PLEKHG5: variants seen among roughly 807,000 people sequenced by gnomAD.
PLEKHG5 encodes the protein pleckstrin homology domain-containing family G member 5.
In PLEKHG5, 52 loss-of-function variants were observed where a neutral mutation model predicts 103.8. That is an observed-to-expected ratio of 0.50 (90% CI 0.40 to 0.63). PLEKHG5 has a LOEUF of 0.63. Ranked by LOEUF, PLEKHG5 falls within the 30% of genes least tolerant of loss-of-function variation. The pLI, the probability that PLEKHG5 is intolerant of heterozygous loss-of-function variation, is 0.00. For synonymous variants in PLEKHG5, 592 were observed against 575.5 expected (o/e 1.03, Z -0.41); for missense variants, 1,205 against 1,347.6 (o/e 0.89, Z 1.66).
In PLEKHG5 at chr1:6,470,870, G is replaced by C; in HGVS notation, c.1407C>G (p.His469Gln). The C allele has an allele frequency of 6.4e-7, 1 of 1,568,528 alleles. No individual in the cohort carries two copies. Among genetic ancestry groups the C allele is most frequent in the South Asian group, 1.2e-5 (1 of 86,088 alleles). The part of the protein sequence containing the change: ...FRAYITWAEK[H>Q]PQCQRLKLSD... ...TCAGCTTCAGCCTCTGGCACTGTGGGTGCTTCTCCGCCCACTGCGGTGGGG... is the reference window on the plus strand; with the variant it reads ...TCAGCTTCAGCCTCTGGCACTGTGGCTGCTTCTCCGCCCACTGCGGTGGGG... The change falls in exon 14 of 21, where the codon CAC (histidine) becomes CAG (glutamine). Residue 469 changes from histidine (H) to glutamine (Q), a missense_variant. His to Gln is a conservative substitution (Grantham distance 24). Coordinates refer to ENST00000377728, the MANE Select transcript of PLEKHG5 (RefSeq NM_020631.6).
At chr1:6,474,869 C>G in intron 5 of PLEKHG5, 178 bp downstream of exon 5, 1 of 718,096 alleles carries the variant, frequency 1.4e-6, no homozygotes, top group Non-Finnish European at 2.5e-6. Context: ...TACACAGACC[C>G]CACCGCACTC....
In PLEKHG5 at chr1:6,480,888, G is replaced by A. The variant is rs61433943; in HGVS notation, c.-87-3230C>T. On this transcript the variant is annotated intron_variant, in intron 1 of 20. Transcript: ENST00000377728. ...ACTCCTGGGCTCAACTGATCCGCCC[G>A]CCTCAGCCTCCCAAAGTGCTGGAAT... 4.7e-3 allele frequency among the ~76,000 whole-genome samples: 719 copies of A among 152,092 alleles called. 6 individuals are homozygous for A. The highest frequency in any genetic ancestry group is 0.017 in the African/African-American group (698 of 41,484).
intron 2 of PLEKHG5, 36 bp from the exon 3 acceptor site, chr1:6,476,072 GC>G: frequency 6.4e-7 from 1 of 1,564,560 alleles, no homozygotes; most frequent in Non-Finnish European, 8.8e-7. Flanking sequence ...TGCCTCCCCC[GC>G]CCCTCCTTAG....
chr1:6,481,369 T>C (rs1423050593), intron 1 of PLEKHG5, among the ~76,000 whole-genome samples: 1 of 150,914 alleles, frequency 6.6e-6, no homozygotes, highest in Non-Finnish European at 1.5e-5. Flanking sequence ...CTGTCTCTAC[T>C]AAAAATACAA....
chr1:6,517,306 CAAAA>C (rs779260887), intron 1 of PLEKHG5, among the ~76,000 whole-genome samples: 2 of 62,432 alleles, frequency 3.2e-5, no homozygotes, highest in Admixed American at 2.0e-4. Flanking sequence ...GACTCCATCT[CAAAA>C]AAAAAAAAAA....
In PLEKHG5 at chr1:6,470,488, G is replaced by C. The variant is rs758693239; in HGVS notation, c.1680+18C>G. The C allele has an allele frequency of 6.2e-7, 1 of 1,610,582 alleles. No individual in the cohort carries two copies. The highest frequency in any genetic ancestry group is 1.1e-5 in the South Asian group (1 of 91,074). ...TCCTCTCTCCCAGCCGGCAACCCCC[G>C]CAGACACACACGCCCACCTTGTCCA... On this transcript the variant is annotated intron_variant, in intron 15 of 20. Coordinates refer to ENST00000377728, the MANE Select transcript of PLEKHG5 (RefSeq NM_020631.6).
In PLEKHG5 at chr1:6,473,985, C is replaced by T. The variant is rs76386795; in HGVS notation, c.591+28G>A. The T allele has an allele frequency of 4.6e-4, 654 of 1,425,274 alleles. 11 individuals carry two copies. In the East Asian group the frequency reaches 0.016, roughly 34 times the overall value. The allele number at this position is 1,425,274 out of a possible 1,614,324, so 88.3% of individuals were successfully genotyped here. ...CCCAGCCTGGGCCCCTTCCCACCCC[C>T]TCCCCTGACACACCCCCTCCTCCTC... is the stretch of plus-strand genomic sequence containing the variant. On this transcript the variant is annotated intron_variant, in intron 7 of 20. Coordinates refer to ENST00000377728, the MANE Select transcript of PLEKHG5 (RefSeq NM_020631.6).
Position 6,490,599 on chromosome 1 carries a change from G to A in PLEKHG5, c.-88+1038C>T. 1.0e-6 allele frequency: 1 copy of A among 985,456 alleles called. No individual in the cohort carries two copies. The highest frequency in any genetic ancestry group is 1.2e-6 in the Non-Finnish European group (1 of 829,930). The allele number at this position is 985,456 out of a possible 1,614,324, so 61.0% of individuals were successfully genotyped here. A position where few individuals can be genotyped will look rare whatever the true frequency, so the allele number is the denominator to read the frequency against. ...GCAAACTGGGGCGCGGGACGTAGGG[G>A]AATTACGGTAGCCGCGCGGGCGCTA... On this transcript the variant is annotated intron_variant, in intron 1 of 20. Transcript: ENST00000377728. The surrounding 1 kb of genome is among the most constrained non-coding windows in gnomAD (Gnocchi z 8.0).
chr1:6,478,896 G>A (rs555146851), intron 1 of PLEKHG5, among the ~76,000 whole-genome samples: 5 of 152,092 alleles, frequency 3.3e-5, no homozygotes, highest in African/African-American at 4.8e-5. Flanking sequence ...CGCCTGCCTC[G>A]GCCTCCCAAA....
At chr1:6,493,901 C>G (rs1451412915), upstream of PLEKHG5, among the ~76,000 whole-genome samples, 2 of 152,042 alleles carry the variant, frequency 1.3e-5, no homozygotes, top group Non-Finnish European at 2.9e-5. Flanking sequence ...CTCAAGTGAT[C>G]TGCCCACCTT....
At chr1:6,474,787 A>G in intron 5 of PLEKHG5, 200 bp from the exon 6 acceptor site, 1 of 662,474 alleles carries the variant, frequency 1.5e-6, no homozygotes, top group East Asian at 2.7e-5. Context: ...GCATCTGCAT[A>G]CCACGGCAGA....
rs146020517 is a variant in PLEKHG5, at chr1:6,473,039, T to G, written c.931A>C (p.Asn311His). 1.1e-4 allele frequency: 182 copies of G among 1,613,944 alleles called. 1 individual carries two copies. In the South Asian group the frequency reaches 1.9e-3, roughly 17 times the overall value. ...CTGTCCTCCAGCCTCAGGCAGGCAT[T>G]GTCCTCATCCTCGTCTTCATCGTAC... Reference protein sequence around the residue: ...EEYDEDEDEDNACLRLEDSWR... With the variant: ...EEYDEDEDEDHACLRLEDSWR... Residue 311 changes from asparagine (N) to histidine (H), a missense_variant, in exon 9 of 21, where the codon AAT (asparagine) becomes CAT (histidine). Coordinates refer to ENST00000377728, the MANE Select transcript of PLEKHG5 (RefSeq NM_020631.6).
At chr1:6,482,588 G>A (rs74049588) in intron 1 of PLEKHG5, among the ~76,000 whole-genome samples, 8,058 of 152,290 alleles carry the variant, frequency 0.053, 688 homozygotes, top group African/African-American at 0.18. Context: ...TTTCACACAA[G>A]AGGAAAGTAA....
chr1:6,496,984 A>G (rs1237809317), upstream of PLEKHG5: 1 of 1,528,718 alleles, frequency 6.5e-7, no homozygotes, highest in East Asian at 2.5e-5. Context: ...CTTTAGAGAC[A>G]GAGGAGCCCC....
chr1:6,471,354 G>T, intron 12 of PLEKHG5, 134 bp downstream of exon 12: 1 of 1,068,370 alleles, frequency 9.4e-7, no homozygotes, highest in Non-Finnish European at 1.3e-6. Flanking sequence ...CTCACCCTTG[G>T]CCACAAGGGG....
chr1:6,469,174 T>C lies in PLEKHG5; in HGVS notation c.2117A>G (p.Glu706Gly), dbSNP rs200964010. 1.2e-5 allele frequency: 20 copies of C among 1,613,206 alleles called. 1 individual carries two copies. In the East Asian group the frequency reaches 4.5e-4, roughly 36 times the overall value. Reference sequence around the variant, plus strand: ...TTCCTCCTCCTGCTCATCCTCCTCCTCTTCCAGGCTCTGCAGGGGCTGCTG... The same window carrying C: ...TTCCTCCTCCTGCTCATCCTCCTCCCCTTCCAGGCTCTGCAGGGGCTGCTG... ...GSQQPLQSLEEEEDEQEEEEE... is the reference protein window; with the variant it reads ...GSQQPLQSLEGEEDEQEEEEE... Residue 706 changes from glutamate (E) to glycine (G), a missense_variant, in exon 19 of 21, where the codon GAG (glutamate) becomes GGG (glycine). Coordinates refer to ENST00000377728, the MANE Select transcript of PLEKHG5 (RefSeq NM_020631.6).
chr1:6,475,328 A>T, intron 4 of PLEKHG5, 134 bp downstream of exon 4: 1 of 791,910 alleles, frequency 1.3e-6, no homozygotes, highest in Non-Finnish European at 2.2e-6. Flanking sequence ...AAGAAAGGGA[A>T]CCCCAGCGAT....
chr1:6,477,491 G>A, intron 2 of PLEKHG5, 38 bp downstream of exon 2: 5 of 1,603,866 alleles, frequency 3.1e-6, no homozygotes, highest in Non-Finnish European at 4.2e-6. Context: ...TGACACAGGA[G>A]CTCTGGGGGC....
At position 6,468,473 on chromosome 1, in the gene PLEKHG5, G is replaced by C; in HGVS notation, c.2363C>G (p.Ser788Cys). 6.2e-7 allele frequency: 1 copy of C among 1,613,090 alleles called. No individual in the cohort carries two copies. The highest frequency in any genetic ancestry group is 8.5e-7 in the Non-Finnish European group (1 of 1,179,962). Reference protein sequence around the residue: ...GPFSSQSDETSLSTTASSATP... With the variant: ...GPFSSQSDETCLSTTASSATP... Reference sequence around the variant, plus strand: ...GGCAGATGAGGCAGTGGTGCTGAGAGAGGTCTCATCAGACTGGGAGCTGAA... The same window carrying C: ...GGCAGATGAGGCAGTGGTGCTGAGACAGGTCTCATCAGACTGGGAGCTGAA... Residue 788 changes from serine (S) to cysteine (C), a missense_variant, in exon 20 of 21, where the codon TCT (serine) becomes TGT (cysteine). By Grantham distance (112) the Ser-to-Cys change is moderately radical. Coordinates refer to ENST00000377728, the MANE Select transcript of PLEKHG5 (RefSeq NM_020631.6).
Sources: gnomAD v4.1 joint callset for allele counts (sites outside exome capture counted in the v4.1 genomes callset) on GRCh38, gnomAD v4.1.1 for gene constraint, Gnocchi (gnomAD v3.1) non-coding constraint, MANE v1.5 for transcripts, NCBI Gene and HGNC (gene_info 2026-07-23, HGNC 2026-07-21) for gene names.